RHEX: variants seen among roughly 807,000 people sequenced by gnomAD.
RHEX encodes the protein regulator of hemoglobinization and erythroid cell expansion, also known as regulator of hemoglobinization and erythroid cell expansion protein.
Under a neutral mutation model 20.1 loss-of-function variants are expected in RHEX, and 18 were observed. The observed-to-expected ratio is 0.90, with a 90% confidence interval of 0.62 to 1.33. The LOEUF is 1.33. Ranked by LOEUF, RHEX falls within the 40% of genes most tolerant of loss-of-function variation. The pLI is 0.00. For missense variants in RHEX, 192 were observed against 214.3 expected (o/e 0.90, Z 0.65); for synonymous variants, 87 against 77.1 (o/e 1.13, Z -0.67).
rs529699337 is a variant in RHEX at position 206,088,676 on chromosome 1, C to T, written c.-96-9057C>T. Reference sequence around the variant, plus strand: ...CCAGCCTGGGGACAGAGCGAGACTCCGTCTCAAAAAACAAACAAATGAAAG... The same window carrying T: ...CCAGCCTGGGGACAGAGCGAGACTCTGTCTCAAAAAACAAACAAATGAAAG... On this transcript the variant is annotated intron_variant, in intron 1 of 5. Coordinates refer to ENST00000331555, the MANE Select transcript of RHEX (RefSeq NM_001007544.4). Among the ~76,000 whole-genome samples, 15 of 152,240 alleles carry T rather than the reference C, an allele frequency of 9.9e-5. 1 individual carries two copies. The South Asian group carries it at 2.9e-3, about 29-fold the overall frequency.
At chr1:206,094,462 A>T (rs1290536910) in intron 1 of RHEX, among the ~76,000 whole-genome samples, 8 of 152,228 alleles carry the variant, frequency 5.3e-5, no homozygotes, top group Non-Finnish European at 1.2e-4. Context: ...AATAATACCT[A>T]ATAATTACTG....
intron 1 of RHEX, among the ~76,000 whole-genome samples, chr1:206,068,899 G>T (rs1228172999): frequency 6.6e-6 from 1 of 152,208 alleles, no homozygotes; most frequent in African/African-American, 2.4e-5. Context: ...TGGTTTAAAG[G>T]GGTACCTGTC....
At chr1:206,055,102 C>T (rs547564297) in intron 1 of RHEX, among the ~76,000 whole-genome samples, 4 of 152,176 alleles carry the variant, frequency 2.6e-5, no homozygotes, top group African/African-American at 9.6e-5. Flanking sequence ...CAGGCATGGG[C>T]TGCAGGGTAG....
chr1:206,068,308 G>A (rs778070428), intron 1 of RHEX, among the ~76,000 whole-genome samples: 7 of 152,128 alleles, frequency 4.6e-5, no homozygotes, highest in Non-Finnish European at 8.8e-5. Context: ...GTTGAGTTGG[G>A]GTAGGGTGGA....
chr1:206,061,296 T>G (rs1180985325), intron 1 of RHEX: 1 of 152,218 alleles, frequency 6.6e-6, no homozygotes, highest in African/African-American at 2.4e-5. Flanking sequence ...CAAGTAAAGA[T>G]GGTTATTAAC....
In RHEX at chr1:206,053,214, G is replaced by T. The variant is rs191878952; in HGVS notation, c.-148G>T. The T allele has an allele frequency of 3.7e-3, 564 of 152,600 alleles. No individual in the cohort carries two copies. The highest frequency in any genetic ancestry group is 5.5e-3 in the Non-Finnish European group (378 of 68,248). 9.5% of individuals were successfully genotyped at this position (152,600 alleles called of 1,614,324 possible). A position where few individuals can be genotyped will look rare whatever the true frequency, so the allele number is the denominator to read the frequency against. ...GTTCCCTGTGGAGGATTAACACAGT[G>T]GCTGAACACCGGGAAGGAACTGGCA... On this transcript the variant is annotated 5_prime_UTR_variant, in exon 1 of 6. Transcript: ENST00000331555.
At chr1:206,090,318 G>C (rs549560002) in intron 1 of RHEX, among the ~76,000 whole-genome samples, 1 of 147,122 alleles carries the variant, frequency 6.8e-6, no homozygotes, top group Non-Finnish European at 1.5e-5. Flanking sequence ...CGATTCTCCT[G>C]CCTCAGCCTC....
At chr1:206,071,661 AC>A (rs1662531341) in intron 1 of RHEX, among the ~76,000 whole-genome samples, 1 of 152,050 alleles carries the variant, frequency 6.6e-6, no homozygotes, top group African/African-American at 2.4e-5. Context: ...AGTCTGGGCA[AC>A]ATGGCGAGAC....
chr1:206,098,345 G>A, intron 3 of RHEX, 164 bp downstream of exon 3: 1 of 604,006 alleles, frequency 1.7e-6, no homozygotes, highest in South Asian at 1.9e-5. Flanking sequence ...CCCAATAACT[G>A]TATCTGGGTA....
chr1:206,083,534 T>C, intron 1 of RHEX: 2 of 985,450 alleles, frequency 2.0e-6, no homozygotes, highest in Non-Finnish European at 2.4e-6. Flanking sequence ...CACTTGTGAC[T>C]GACCTCCAGT....
chr1:206,084,891 C>T (rs1662808298), intron 1 of RHEX, among the ~76,000 whole-genome samples: 1 of 152,154 alleles, frequency 6.6e-6, no homozygotes, highest in East Asian at 1.9e-4. Flanking sequence ...GCCCTGAATC[C>T]TGACAAGGAG....
intron 1 of RHEX, among the ~76,000 whole-genome samples, chr1:206,080,582 A>G (rs1273740720): frequency 6.6e-6 from 1 of 152,172 alleles, no homozygotes; most frequent in Non-Finnish European, 1.5e-5. Context: ...TGGGTGATAA[A>G]CCATCAAAAA....
At chr1:206,092,048 CTT>C (rs1237864311) in intron 1 of RHEX, among the ~76,000 whole-genome samples, 1 of 150,528 alleles carries the variant, frequency 6.6e-6, no homozygotes, top group Non-Finnish European at 1.5e-5. Flanking sequence ...TTCTTTCTCT[CTT>C]TCTCTCTCTC....
intron 1 of RHEX, among the ~76,000 whole-genome samples, chr1:206,092,622 T>C (rs191424780): frequency 2.6e-5 from 4 of 152,348 alleles, no homozygotes; most frequent in Admixed American, 6.5e-5. Flanking sequence ...TAGGAAACTA[T>C]CCATTTTACT....
rs1467704961 is a variant in RHEX at position 206,092,220 on chromosome 1, A to G, written c.-96-5513A>G. Among the ~76,000 whole-genome samples, 12 of 152,116 alleles carry G rather than the reference A, an allele frequency of 7.9e-5. No individual in the cohort carries two copies. In the East Asian group the frequency reaches 1.7e-3, roughly 22 times the overall value. ...ATTACAAGTGTGAGCCACTGGGCTCAGCCAATGCTTTTAATTTCTAAATAA... is the reference window on the plus strand; with the variant it reads ...ATTACAAGTGTGAGCCACTGGGCTCGGCCAATGCTTTTAATTTCTAAATAA... On this transcript the variant is annotated intron_variant, in intron 1 of 5. Coordinates refer to ENST00000331555, the MANE Select transcript of RHEX (RefSeq NM_001007544.4).
intron 1 of RHEX, among the ~76,000 whole-genome samples, chr1:206,054,984 T>C (rs1662158732): frequency 6.6e-6 from 1 of 152,280 alleles, no homozygotes; most frequent in Admixed American, 6.5e-5. Flanking sequence ...CTGAAATGGA[T>C]CAAATATTCC....
At chr1:206,092,815 C>G (rs1214546426) in intron 1 of RHEX, among the ~76,000 whole-genome samples, 4 of 152,108 alleles carry the variant, frequency 2.6e-5, no homozygotes, top group African/African-American at 9.7e-5. Context: ...GCATATTAAA[C>G]TGGGAGAGAA....
At chr1:206,101,690 G>C in intron 5 of RHEX, 62 bp from the exon 6 acceptor site, 1 of 1,281,016 alleles carries the variant, frequency 7.8e-7, no homozygotes, top group Non-Finnish European at 1.1e-6. Flanking sequence ...TCAGTCCTGG[G>C]GTCTTATTTC....
intron 1 of RHEX, among the ~76,000 whole-genome samples, chr1:206,079,844 T>C (rs1421898080): frequency 1.3e-5 from 2 of 152,216 alleles, no homozygotes; most frequent in Admixed American, 1.3e-4. Context: ...TGAGCCACCG[T>C]GCCCCACCAG....
Sources: gnomAD v4.1 joint callset for allele counts (sites outside exome capture counted in the v4.1 genomes callset) on GRCh38, gnomAD v4.1.1 for gene constraint, MANE v1.5 for transcripts, NCBI Gene and HGNC (gene_info 2026-07-23, HGNC 2026-07-21) for gene names.